Variants in EPG5 observed in about 807,000 individuals in gnomAD.
EPG5 encodes the protein ectopic P granules protein 5 homolog.
Under a neutral mutation model 302.7 loss-of-function variants are expected in EPG5, and 159 were observed. The ratio of observed to expected loss-of-function variants is 0.53; its 90% CI spans 0.46 to 0.60. EPG5 has a LOEUF of 0.60. Among genes scored for constraint, EPG5 ranks in the 20% least tolerant of loss-of-function variants. The pLI, the probability that EPG5 is intolerant of heterozygous loss-of-function variation, is 0.00. For missense variants in EPG5, 2,896 were observed against 3,092.4 expected (o/e 0.94, Z 1.51); for synonymous variants, 1,158 against 1,136.8 (o/e 1.02, Z -0.37).
chr18:45,955,156 A>G lies in EPG5; in HGVS notation c.246T>C (p.Asp82=), dbSNP rs1044415346. 14 of 1,614,108 alleles carry G rather than the reference A, an allele frequency of 8.7e-6. No homozygotes were observed. Among genetic ancestry groups the G allele is most frequent in the Admixed American group, 1.7e-5 (1 of 60,006 alleles). The part of the protein sequence containing the change: ...ASGQNESEMF[D]VPLTSLTISN... ...TTATAGTTAAGGAGGTGAGTGGTAC[A>G]TCAAACATTTCACTCTCATTTTGTC... Residue 82 remains aspartate, a synonymous_variant, in exon 2 of 44, where the codon GAT becomes GAC. Coordinates refer to ENST00000282041, the MANE Select transcript of EPG5 (RefSeq NM_020964.3).
chr18:45,839,516 G>A, the EPG5 span, among the ~76,000 whole-genome samples: 1 of 152,132 alleles, frequency 6.6e-6, no homozygotes, highest in African/African-American at 2.4e-5. Flanking sequence ...ATGGTCCCCT[G>A]CCCTGCAGTG....
chr18:45,817,343 A>G, the EPG5 span, among the ~76,000 whole-genome samples: 26 of 152,382 alleles, frequency 1.7e-4, no homozygotes, highest in Middle Eastern at 3.4e-3. Flanking sequence ...AAAATTTCAA[A>G]AAAGTTTCTT....
chr18:45,855,495 C>A, intron 43 of EPG5, 78 bp downstream of exon 43: 1 of 962,286 alleles, frequency 1.0e-6, no homozygotes, highest in Non-Finnish European at 1.6e-6. Context: ...ATGACGCGCA[C>A]AGGCTACGGC....
At chr18:45,912,102 C>A (rs1345473654) in intron 22 of EPG5, among the ~76,000 whole-genome samples, 188 bp downstream of exon 22, 2 of 152,266 alleles carry the variant, frequency 1.3e-5, no homozygotes, top group East Asian at 1.9e-4. Flanking sequence ...GAAGCTGCCA[C>A]AAGACACCAG....
intron 36 of EPG5, among the ~76,000 whole-genome samples, chr18:45,870,195 C>T: frequency 6.6e-6 from 1 of 152,134 alleles, no homozygotes; most frequent in East Asian, 1.9e-4. Context: ...TTTACATTTG[C>T]TTTAATAGGA....
At chr18:45,948,717 C>G (rs1339969523) in intron 5 of EPG5, 141 bp from the exon 6 acceptor site, 3 of 655,688 alleles carry the variant, frequency 4.6e-6, no homozygotes, top group Admixed American at 4.6e-5. Flanking sequence ...GAGTAAAGCA[C>G]AGCCCATGGG....
the EPG5 span, among the ~76,000 whole-genome samples, chr18:45,811,821 G>A: frequency 6.6e-6 from 1 of 152,124 alleles, no homozygotes; most frequent in African/African-American, 2.4e-5. Flanking sequence ...TACTGAGTGG[G>A]CAAAAACTGG....
rs1260198514 is a variant in EPG5, at chr18:45,965,089, T to C, written c.63+2088A>G. Among the ~76,000 whole-genome samples the C allele has an allele frequency of 3.3e-5, 5 of 152,256 alleles. No individual in the cohort carries two copies. The East Asian group carries it at 9.6e-4, about 29-fold the overall frequency. ...AAAAAGTCATATCAAGAAAACGTGG[T>C]AAATACTCAGCATGGAATACTATGC... On this transcript the variant is annotated intron_variant, in intron 1 of 43. Transcript: ENST00000282041.
intron 34 of EPG5, 129 bp from the exon 35 acceptor site, chr18:45,876,471 C>A: frequency 1.6e-6 from 1 of 634,604 alleles, no homozygotes; most frequent in South Asian, 2.0e-5. Flanking sequence ...ATTTAGAATA[C>A]TTAAAAGGCT....
In EPG5 at chr18:45,863,888, T is replaced by G. The variant is rs78776637; in HGVS notation, c.6766+1727A>C. Among the ~76,000 whole-genome samples, 4 of 152,354 alleles carry G rather than the reference T, an allele frequency of 2.6e-5. No individual in the cohort carries two copies. The East Asian group carries it at 7.7e-4, about 29-fold the overall frequency. On this transcript the variant is annotated intron_variant, in intron 39 of 43. Transcript: ENST00000282041. Reference sequence around the variant, plus strand: ...AGGTTCACTATAGTGTATACAGGTTTGAATTTCTTTCCATATATCCTACTT... The same window carrying G: ...AGGTTCACTATAGTGTATACAGGTTGGAATTTCTTTCCATATATCCTACTT...
chr18:45,922,723 T>C (rs1189671580), intron 15 of EPG5, 123 bp from the exon 16 acceptor site: 2 of 1,203,386 alleles, frequency 1.7e-6, no homozygotes, highest in Non-Finnish European at 2.3e-6. Context: ...TACTTGCTGG[T>C]CTCCAATTAA....
intron 27 of EPG5, among the ~76,000 whole-genome samples, chr18:45,890,436 G>A (rs2049317346): frequency 6.6e-6 from 1 of 152,102 alleles, no homozygotes; most frequent in Non-Finnish European, 1.5e-5. Flanking sequence ...ATGGGGAAAT[G>A]CCCAAACCAA....
intron 14 of EPG5, among the ~76,000 whole-genome samples, chr18:45,924,803 C>T (rs146988545): frequency 2.6e-5 from 4 of 152,294 alleles, no homozygotes; most frequent in African/African-American, 9.6e-5. Flanking sequence ...GCCTGTAATC[C>T]CAGCTACTCG....
intron 11 of EPG5, 107 bp downstream of exon 11, chr18:45,934,702 A>T: frequency 8.0e-7 from 1 of 1,256,932 alleles, no homozygotes; most frequent in Non-Finnish European, 1.1e-6. Context: ...ATGAGTATGT[A>T]GAGTAAAACA....
At chr18:45,884,155 T>C (rs1046569064) in intron 30 of EPG5, among the ~76,000 whole-genome samples, 5 of 152,092 alleles carry the variant, frequency 3.3e-5, no homozygotes, top group African/African-American at 1.2e-4. Context: ...TTACACTAAG[T>C]GGAATAAGAC....
chr18:45,862,737 T>C (rs2048662718), intron 39 of EPG5, among the ~76,000 whole-genome samples: 2 of 152,248 alleles, frequency 1.3e-5, no homozygotes, highest in African/African-American at 4.8e-5. Flanking sequence ...CCATGCTTCC[T>C]GTACAGCCTC....
At chr18:45,921,613 T>G (rs1354151540) in intron 16 of EPG5, among the ~76,000 whole-genome samples, 1 of 152,090 alleles carries the variant, frequency 6.6e-6, no homozygotes, top group Non-Finnish European at 1.5e-5. Flanking sequence ...TGATAAATGC[T>G]CCAGTAGAAG....
chr18:45,842,087 A>G, the EPG5 span: 2 of 1,613,588 alleles, frequency 1.2e-6, no homozygotes, highest in Non-Finnish European at 1.7e-6. Flanking sequence ...ATGATCATTC[A>G]ACTTTCTCCT....
chr18:45,845,601 G>A (rs572116460), downstream of EPG5, among the ~76,000 whole-genome samples: 6 of 152,308 alleles, frequency 3.9e-5, no homozygotes, highest in East Asian at 1.9e-4. Flanking sequence ...AGACACGAGC[G>A]GCAGGCTGAG....
Sources: gnomAD v4.1 joint callset for allele counts (sites outside exome capture counted in the v4.1 genomes callset) on GRCh38, gnomAD v4.1.1 for gene constraint, MANE v1.5 for transcripts, NCBI Gene and HGNC (gene_info 2026-07-23, HGNC 2026-07-21) for gene names.